Variants in MID2 observed in about 807,000 individuals in gnomAD.
The protein encoded by MID2 is midline 2, also known as probable E3 ubiquitin-protein ligase MID2.
A neutral mutation model predicts 46.1 loss-of-function variants in MID2; 13 were observed. The observed-to-expected ratio is 0.28, with a 90% CI of 0.18 to 0.45. The LOEUF is 0.45. Among genes scored for constraint, MID2 ranks in the 20% least tolerant of loss-of-function variants. MID2 has a pLI of 1.00. For missense variants in MID2, 431 were observed against 575.4 expected (o/e 0.75, Z 2.57); for synonymous variants, 199 against 212.3 (o/e 0.94, Z 0.55).
chrX:107,835,007 A>G (rs971989108), intron 1 of MID2, among the ~76,000 whole-genome samples: 4 of 111,676 alleles, frequency 3.6e-5, no homozygotes, highest in Non-Finnish European at 7.5e-5. Flanking sequence ...AAGTAACTCC[A>G]TATTTGTTAG....
At chrX:107,853,785 CA>C (rs753975333) in intron 2 of MID2, among the ~76,000 whole-genome samples, 2 of 110,940 alleles carry the variant, frequency 1.8e-5, no homozygotes, top group Admixed American at 9.6e-5. Context: ...TAATCAAAAA[CA>C]AAAAAAGTCA....
At chrX:107,901,259 T>C (rs1932792802) in intron 3 of MID2, 1 of 111,799 alleles carries the variant, frequency 8.9e-6, no homozygotes, top group Non-Finnish European at 1.9e-5. Flanking sequence ...TGAGGAAATT[T>C]AGCATGATTA....
In MID2 at chrX:107,927,127, CCTA is replaced by C. The variant is rs1180089105; in HGVS notation, c.*56_*58del. On this transcript the variant is annotated 3_prime_UTR_variant, in exon 10 of 10. Transcript: ENST00000262843. ...TCTCTAGTTCAGCAGTTCTTCCCCT[CCTA>C]CACCTAAGTTAGCGTTCAATATACG... The C allele has an allele frequency of 3.8e-6, 4 of 1,048,348 alleles. No homozygotes were observed. Among genetic ancestry groups the C allele is most frequent in the Non-Finnish European group, 5.1e-6 (4 of 780,236 alleles). 86.4% of individuals were successfully genotyped at this position (1,048,348 alleles called of 1,213,427 possible). A position where few individuals can be genotyped will look rare whatever the true frequency, so the allele number is the denominator to read the frequency against.
In MID2 at chrX:107,927,048, T is replaced by C. The variant is rs1355368890; in HGVS notation, c.2183T>C (p.Val728Ala). 1 of 1,205,603 alleles carries C rather than the reference T, an allele frequency of 8.3e-7. No homozygotes were observed. The highest frequency in any genetic ancestry group is 1.1e-6 in the Non-Finnish European group (1 of 892,143). ...TGCAGGCCTCAAGAATCCCCTTATG[T>C]TTCTGGGATGAAAACCTGTCATTAA... ...CNCRPQESPY[V>A]SGMKTCH The change falls in exon 10 of 10, where the codon GTT (valine) becomes GCT (alanine). Residue 728 changes from valine (V) to alanine (A), a missense_variant. Val to Ala is a moderately conservative substitution (Grantham distance 64). Transcript: ENST00000262843.
Position 107,910,291 on chromosome X carries a change from T to A in MID2, c.1073+4665T>A, listed in dbSNP as rs951062528. Among the ~76,000 whole-genome samples, 3 of 111,887 alleles carry A rather than the reference T, an allele frequency of 2.7e-5. No individual in the cohort carries two copies. In the East Asian group the frequency reaches 8.4e-4, roughly 31 times the overall value. ...CCTGGCTTATTTTACTTAGCATACATCCTCCAGGTTCATTTATGCTGTCAA... is the reference window on the plus strand; with the variant it reads ...CCTGGCTTATTTTACTTAGCATACAACCTCCAGGTTCATTTATGCTGTCAA... On this transcript the variant is annotated intron_variant, in intron 5 of 9. Transcript: ENST00000262843.
At chrX:107,848,301 T>C (rs1931534676) in intron 2 of MID2, among the ~76,000 whole-genome samples, 1 of 111,775 alleles carries the variant, frequency 8.9e-6, no homozygotes, top group Middle Eastern at 4.2e-3. Flanking sequence ...TCCAGGAAAG[T>C]AGAGTTGGCT....
rs1933196583 is a variant in MID2 at position 107,927,155 on chromosome X, G to A, written c.*82G>A. ...ACACCTAAGTTAGCGTTCAATATAC[G>A]AGACACAAAATAAAGTTTGTTTGAA... On this transcript the variant is annotated 3_prime_UTR_variant, in exon 10 of 10. Transcript: ENST00000262843. 11 of 885,950 alleles carry A rather than the reference G, an allele frequency of 1.2e-5. No homozygotes were observed. The highest frequency in any genetic ancestry group is 6.5e-4 in the Middle Eastern group (2 of 3,058). The allele number at this position is 885,950 out of a possible 1,213,427, so 73.0% of individuals were successfully genotyped here.
At position 107,909,364 on chromosome X, in the gene MID2, T is replaced by C. The variant is rs536894129; in HGVS notation, c.1073+3738T>C. Among the ~76,000 whole-genome samples, 10 of 111,765 alleles carry C rather than the reference T, an allele frequency of 8.9e-5. No individual in the cohort carries two copies. The South Asian group carries it at 3.4e-3, about 38-fold the overall frequency. On this transcript the variant is annotated intron_variant, in intron 5 of 9. Coordinates refer to ENST00000262843, the MANE Select transcript of MID2 (RefSeq NM_012216.4). ...GACCTATGTGAGTACCAGGGATTGT[T>C]CCCTCTTATCTTTTTGGGTGGCTCT...
chrX:107,888,825 A>G (rs957194964), intron 3 of MID2, among the ~76,000 whole-genome samples: 3 of 112,036 alleles, frequency 2.7e-5, no homozygotes, highest in African/African-American at 9.8e-5. Context: ...ATATATGTTT[A>G]GGATAGTTAG....
Position 107,926,794 on chromosome X carries a change from G to A in MID2, c.1929G>A (p.Met643Ile), listed in dbSNP as rs1461156177. The A allele has an allele frequency of 8.3e-7, 1 of 1,209,871 alleles. No homozygotes were observed. Among genetic ancestry groups the A allele is most frequent in the African/African-American group, 1.7e-5 (1 of 57,149 alleles). ...NFVVRHNNKE[M>I]LVDVPPHLKR... ...TGGTGAGACACAACAACAAGGAAAT[G>A]CTGGTGGATGTGCCCCCACACCTGA... Residue 643 changes from methionine (M) to isoleucine (I), a missense_variant, in exon 10 of 10, where the codon ATG becomes ATA. By Grantham distance (10) the Met-to-Ile change is conservative (BLOSUM62 1). Coordinates refer to ENST00000262843, the MANE Select transcript of MID2 (RefSeq NM_012216.4).
At chrX:107,827,243 T>C (rs779111164) in intron 1 of MID2, among the ~76,000 whole-genome samples, 50 of 111,651 alleles carry the variant, frequency 4.5e-4, no homozygotes, top group Non-Finnish European at 7.3e-4. Context: ...AATCCTGCAG[T>C]CGTTGTACTC....
At chrX:107,850,012 T>G (rs1240939284) in intron 2 of MID2, among the ~76,000 whole-genome samples, 1 of 112,077 alleles carries the variant, frequency 8.9e-6, no homozygotes, top group African/African-American at 3.2e-5. Flanking sequence ...TGTCACGGTT[T>G]AACTGTCCTG....
intron 3 of MID2, chrX:107,894,486 A>G (rs755926315): frequency 8.9e-6 from 1 of 112,417 alleles, no homozygotes; most frequent in Admixed American, 9.4e-5. Context: ...TCAGAAAACA[A>G]TATTTAAATG....
intron 1 of MID2, among the ~76,000 whole-genome samples, chrX:107,827,712 A>C (rs1930986540): frequency 9.1e-6 from 1 of 109,363 alleles, no homozygotes. Flanking sequence ...GAGTGGTTTC[A>C]TTGTACCCCA....
intron 3 of MID2, among the ~76,000 whole-genome samples, chrX:107,871,692 G>A (rs1034339758): frequency 9.0e-6 from 1 of 110,997 alleles, no homozygotes; most frequent in Non-Finnish European, 1.9e-5. Flanking sequence ...GACAGAGCAG[G>A]ATGATCATTT....
At chrX:107,888,772 T>C (rs1932523706) in intron 3 of MID2, among the ~76,000 whole-genome samples, 1 of 111,958 alleles carries the variant, frequency 8.9e-6, no homozygotes, top group Admixed American at 9.4e-5. Flanking sequence ...TGTAGGCCTC[T>C]AAGGACTTGC....
intron 3 of MID2, among the ~76,000 whole-genome samples, chrX:107,861,308 A>AG (rs1409388215): frequency 1.8e-5 from 2 of 111,886 alleles, no homozygotes; most frequent in African/African-American, 6.5e-5. Flanking sequence ...CAAAGAGGTC[A>AG]GGAAGAAAGT....
At chrX:107,863,259 G>T (rs191065368) in intron 3 of MID2, among the ~76,000 whole-genome samples, 167 of 112,075 alleles carry the variant, frequency 1.5e-3, no homozygotes, top group African/African-American at 5.1e-3. Context: ...AATACTTGGA[G>T]GGTATTAACA....
intron 3 of MID2, among the ~76,000 whole-genome samples, chrX:107,881,494 C>G (rs1169760732): frequency 1.1e-4 from 12 of 112,255 alleles, no homozygotes; most frequent in Admixed American, 6.6e-4. Flanking sequence ...ATGACCTTTT[C>G]TTCTCTCTGG....
Sources: gnomAD v4.1 joint callset for allele counts (sites outside exome capture counted in the v4.1 genomes callset) on GRCh38, gnomAD v4.1.1 for gene constraint, MANE v1.5 for transcripts, NCBI Gene and HGNC (gene_info 2026-07-23, HGNC 2026-07-21) for gene names.